Variants in STEAP1B observed in about 807,000 individuals in gnomAD.
The protein encoded by STEAP1B is STEAP family member 1B.
In STEAP1B, 13 loss-of-function variants were observed where a neutral mutation model predicts 27.9. That is an observed-to-expected ratio of 0.47 (90% CI 0.30 to 0.74). The LOEUF (loss-of-function observed/expected upper bound fraction) is 0.74, where lower values mean the gene tolerates loss of function less well. Among genes scored for constraint, STEAP1B ranks in the 30% least tolerant of loss-of-function variants. The probability of loss-of-function intolerance (pLI) is 0.06; values close to 1 mark genes in which losing one functional copy is unlikely to be tolerated. For synonymous variants in STEAP1B, 86 were observed against 107.1 expected (o/e 0.80, Z 1.22); for missense variants, 250 against 298.7 (o/e 0.84, Z 1.20).
At position 22,493,707 on chromosome 7, in the gene STEAP1B, G is replaced by C. The variant is rs1786385774; in HGVS notation, c.214C>G (p.His72Asp). 2 of 1,613,886 alleles carry C rather than the reference G, an allele frequency of 1.2e-6. No homozygotes were observed. Among genetic ancestry groups the C allele is most frequent in the African/African-American group, 2.7e-5 (2 of 74,920 alleles). ...ACAGCAGCTATTTTAATTGGCAAGT[G>C]CCACTGTGGAAAGAGTTCCTGTGCG... ...QHAQELFPQW[H>D]LPIKIAAVMA... The change falls in exon 3 of 5, where the codon CAC becomes GAC. Residue 72 changes from histidine to aspartate, a missense_variant. Physicochemically the swap from His to Asp is moderately conservative, Grantham distance 81. Coordinates refer to ENST00000678116, the MANE Select transcript of STEAP1B (RefSeq NM_001382447.1).
intron 4 of STEAP1B, among the ~76,000 whole-genome samples, chr7:22,433,545 A>G (rs1785216928): frequency 6.6e-6 from 1 of 151,834 alleles, no homozygotes; most frequent in African/African-American, 2.4e-5. Flanking sequence ...AAGACAGGTT[A>G]GGCCAAACCA....
intron 4 of STEAP1B, among the ~76,000 whole-genome samples, chr7:22,470,960 T>C (rs966304776): frequency 3.3e-5 from 5 of 152,190 alleles, no homozygotes; most frequent in African/African-American, 9.7e-5. Context: ...AAGAGCCAAT[T>C]TGGGCCTCTA....
intron 4 of STEAP1B, among the ~76,000 whole-genome samples, chr7:22,453,336 C>T (rs1321348682): frequency 6.6e-6 from 1 of 152,198 alleles, no homozygotes; most frequent in East Asian, 1.9e-4. Context: ...ACCAACTGTG[C>T]TATGTGCATG....
intron 1 of STEAP1B, among the ~76,000 whole-genome samples, chr7:22,495,667 T>C (rs1040334076): frequency 1.3e-5 from 2 of 152,188 alleles, no homozygotes; most frequent in African/African-American, 4.8e-5. Context: ...ATTTACACTT[T>C]ATGAAATTCA....
At chr7:22,471,268 A>G (rs1156237334) in intron 4 of STEAP1B, among the ~76,000 whole-genome samples, 1 of 152,198 alleles carries the variant, frequency 6.6e-6, no homozygotes, top group Non-Finnish European at 1.5e-5. Context: ...CACTTCTAGA[A>G]TTCTGAGGAA....
chr7:22,466,917 C>T (rs1021189341), intron 4 of STEAP1B, among the ~76,000 whole-genome samples: 3 of 152,184 alleles, frequency 2.0e-5, no homozygotes, highest in African/African-American at 7.2e-5. Context: ...TTGATTTTCT[C>T]ATCTGGAAAA....
intron 4 of STEAP1B, among the ~76,000 whole-genome samples, chr7:22,441,253 C>G (rs897069288): frequency 1.2e-4 from 18 of 152,122 alleles, no homozygotes; most frequent in African/African-American, 4.3e-4. Context: ...TTACCCTGGC[C>G]ACAGCTCACA....
At chr7:22,479,983 C>T (rs545983857) in intron 4 of STEAP1B, among the ~76,000 whole-genome samples, 10 of 152,280 alleles carry the variant, frequency 6.6e-5, no homozygotes, top group Admixed American at 4.6e-4. Context: ...CCCACACAAG[C>T]CACTTTTCCA....
intron 4 of STEAP1B, among the ~76,000 whole-genome samples, chr7:22,433,005 C>T (rs1000108286): frequency 4.6e-5 from 7 of 152,146 alleles, no homozygotes; most frequent in Non-Finnish European, 8.8e-5. Flanking sequence ...CCGTTCCTGC[C>T]AGCAAATGCG....
intron 4 of STEAP1B, among the ~76,000 whole-genome samples, chr7:22,473,120 T>C (rs1246152593): frequency 6.6e-6 from 1 of 152,128 alleles, no homozygotes; most frequent in Non-Finnish European, 1.5e-5. Context: ...TATAACGTGA[T>C]GCATTACCGC....
At chr7:22,456,973 T>TATATATATATATATGTATATA (rs1554285707) in intron 4 of STEAP1B, among the ~76,000 whole-genome samples, 1 of 59,292 alleles carries the variant, frequency 1.7e-5, no homozygotes, top group Admixed American at 1.8e-4. Context: ...TATATATATA[T>TATATATATATATATGTATATA]TTTTTTTTTT....
chr7:22,419,682 C>G lies in STEAP1B; in HGVS notation c.*122G>C. On this transcript the variant is annotated 3_prime_UTR_variant, in exon 5 of 5. Transcript: ENST00000678116. ...TCCATGTTGACAGAGCAGCCGTCAC[C>G]TGCAGCATGGCTGTTCATTGTGGCA... 1 of 1,158,986 alleles carries G rather than the reference C, an allele frequency of 8.6e-7. No homozygotes were observed. Among genetic ancestry groups the G allele is most frequent in the South Asian group, 1.8e-5 (1 of 56,496 alleles). The allele number at this position is 1,158,986 out of a possible 1,614,324, so 71.8% of individuals were successfully genotyped here.
At chr7:22,452,818 A>G (rs1252763205) in intron 4 of STEAP1B, among the ~76,000 whole-genome samples, 1 of 152,148 alleles carries the variant, frequency 6.6e-6, no homozygotes, top group Non-Finnish European at 1.5e-5. Context: ...CCGTTTTCTC[A>G]CGTGTTCAGG....
intron 4 of STEAP1B, among the ~76,000 whole-genome samples, chr7:22,445,181 G>A (rs866170865): frequency 5.3e-5 from 8 of 152,256 alleles, no homozygotes; most frequent in African/African-American, 9.6e-5. Context: ...ATTATGAGCA[G>A]AGTAATTACA....
intron 1 of STEAP1B, among the ~76,000 whole-genome samples, chr7:22,499,892 G>A (rs1786506173): frequency 6.6e-6 from 1 of 152,190 alleles, no homozygotes; most frequent in African/African-American, 2.4e-5. Flanking sequence ...CCAGCCCCCG[G>A]CCCGGCCACA....
chr7:22,463,050 A>G (rs1785708131), intron 4 of STEAP1B, among the ~76,000 whole-genome samples: 1 of 152,150 alleles, frequency 6.6e-6, no homozygotes, highest in Admixed American at 6.5e-5. Context: ...GTGTCTGTTC[A>G]TGTCCTTTGC....
intron 4 of STEAP1B, among the ~76,000 whole-genome samples, chr7:22,468,845 G>A (rs539042207): frequency 2.8e-4 from 43 of 152,274 alleles, no homozygotes; most frequent in African/African-American, 1.0e-3. Context: ...CATTATTCAC[G>A]TGTTTGTTGT....
intron 4 of STEAP1B, among the ~76,000 whole-genome samples, chr7:22,475,738 T>A (rs1785960663): frequency 6.6e-6 from 1 of 152,172 alleles, no homozygotes; most frequent in Non-Finnish European, 1.5e-5. Flanking sequence ...ACCCAGAGAT[T>A]TATTCCTTGT....
intron 4 of STEAP1B, among the ~76,000 whole-genome samples, chr7:22,432,598 T>C (rs1287676698): frequency 6.6e-6 from 1 of 151,994 alleles, no homozygotes; most frequent in African/African-American, 2.4e-5. Context: ...ATTCCATTGT[T>C]TACAGGCTAC....
Sources: allele counts gnomAD v4.1 joint callset (sites outside exome capture counted in the v4.1 genomes callset), GRCh38; gene constraint gnomAD v4.1.1; transcripts MANE v1.5; gene names NCBI Gene and HGNC (gene_info 2026-07-23, HGNC 2026-07-21).